The following COL28A1 variants were observed in gnomAD, a reference collection of about 807,000 sequenced individuals.
COL28A1 encodes the protein collagen alpha-1(XXVIII) chain.
Under a neutral mutation model 150.2 loss-of-function variants are expected in COL28A1, and 161 were observed. The ratio of observed to expected loss-of-function variants is 1.07; its 90% confidence interval spans 0.94 to 1.22. The LOEUF (loss-of-function observed/expected upper bound fraction) is 1.22, where lower values mean the gene tolerates loss of function less well. Among genes scored for constraint, COL28A1 ranks in the 50% most tolerant of loss-of-function variants. COL28A1 has a pLI of 0.00. For missense variants in COL28A1, 1,617 were observed against 1,388.3 expected (o/e 1.16, Z -2.62); for synonymous variants, 552 against 469.7 (o/e 1.18, Z -2.26).
At chr7:7,411,357 G>C (rs927549208) in intron 27 of COL28A1, among the ~76,000 whole-genome samples, 3 of 152,122 alleles carry the variant, frequency 2.0e-5, no homozygotes, top group African/African-American at 7.2e-5. Flanking sequence ...TTTTCTGGCT[G>C]TGCCCATTTA....
chr7:7,345,874 T>G, the COL28A1 span, among the ~76,000 whole-genome samples: 1 of 152,084 alleles, frequency 6.6e-6, no homozygotes, highest in African/African-American at 2.4e-5. Flanking sequence ...CTGCTTGAGA[T>G]TCTTAGCTCC....
chr7:7,339,961 T>G, the COL28A1 span, among the ~76,000 whole-genome samples: 1 of 152,100 alleles, frequency 6.6e-6, no homozygotes, highest in African/African-American at 2.4e-5. Flanking sequence ...CCTGCACAAA[T>G]GTTGATTTGA....
At chr7:7,517,948 T>G in intron 6 of COL28A1, 111 bp from the exon 7 acceptor site, 1 of 1,431,956 alleles carries the variant, frequency 7.0e-7, no homozygotes, top group South Asian at 1.2e-5. Context: ...GGAAACATCT[T>G]TAGTCTTTCC....
rs564839197 is a variant in COL28A1 at position 7,516,661 on chromosome 7, A to C, written c.856-821T>G. Among the ~76,000 whole-genome samples, 78 of 152,250 alleles carry C rather than the reference A, an allele frequency of 5.1e-4. 1 individual carries two copies. The highest frequency in any genetic ancestry group is 9.7e-4 in the Non-Finnish European group (66 of 68,040). On this transcript the variant is annotated intron_variant, in intron 7 of 34. Coordinates refer to ENST00000399429, the MANE Select transcript of COL28A1 (RefSeq NM_001037763.3). ...AATTGTCAGATTTATTGAGAGCTGA[A>C]GAAACCTATTTAATAAATAAGCTAT...
Position 7,445,443 on chromosome 7 carries a change from G to A in COL28A1, c.1510-954C>T, listed in dbSNP as rs189335610. On this transcript the variant is annotated intron_variant, in intron 18 of 34. Transcript: ENST00000399429. The stretch of plus-strand genomic sequence containing the variant: ...CCTGCAGACTGATTTTGGACTTCTA[G>A]CCTCTAGAACTGAGAGACAATAAAT... Among the ~76,000 whole-genome samples, 19 of 152,252 alleles carry A rather than the reference G, an allele frequency of 1.2e-4. 1 individual carries two copies. The East Asian group carries it at 3.7e-3, about 29-fold the overall frequency.
rs1381481709 is a variant in COL28A1 at position 7,370,708 on chromosome 7, G to T, written c.3066+17C>A. ...ACACCATTTTAAGCTCACAAAGTAA[G>T]TGAGACAGTTACTTACTGACTCAGA... On this transcript the variant is annotated intron_variant, in intron 33 of 34. Coordinates refer to ENST00000399429, the MANE Select transcript of COL28A1 (RefSeq NM_001037763.3). 1.9e-6 allele frequency: 3 copies of T among 1,595,438 alleles called. No individual in the cohort carries two copies. In the South Asian group the frequency reaches 3.4e-5, roughly 18 times the overall value.
chr7:7,436,439 G>A lies in COL28A1; in HGVS notation c.1816C>T (p.Pro606Ser). 2 of 1,413,244 alleles carry A rather than the reference G, an allele frequency of 1.4e-6. No homozygotes were observed. The highest frequency in any genetic ancestry group is 2.3e-5 in the South Asian group (2 of 87,016). The allele number at this position is 1,413,244 out of a possible 1,614,324, so 87.5% of individuals were successfully genotyped here. A position where few individuals can be genotyped will look rare whatever the true frequency, so the allele number is the denominator to read the frequency against. Residue 606 changes from proline to serine, a missense_variant, in exon 23 of 35, where the codon CCT becomes TCT. Coordinates refer to ENST00000399429, the MANE Select transcript of COL28A1 (RefSeq NM_001037763.3). ...PKGDRGGPGI[P>S]GFKGEPGLSI... ...AGTCCAGGTTCTCCCTTAAATCCAG[G>A]TATCCCAGGTCCTCCTCTATCTCCC...
At chr7:7,343,482 C>A in the COL28A1 span, among the ~76,000 whole-genome samples, 1 of 151,926 alleles carries the variant, frequency 6.6e-6, no homozygotes, top group Admixed American at 6.6e-5. Flanking sequence ...TGCACATAAT[C>A]GGCTGTTAAT....
At chr7:7,397,400 T>C (rs938244115) in intron 27 of COL28A1, among the ~76,000 whole-genome samples, 5 of 152,200 alleles carry the variant, frequency 3.3e-5, no homozygotes, top group Admixed American at 6.5e-5. Flanking sequence ...CAGGATTCCT[T>C]CTGCCATTTA....
chr7:7,523,460 T>C (rs972429076), intron 4 of COL28A1, among the ~76,000 whole-genome samples: 1 of 150,718 alleles, frequency 6.6e-6, no homozygotes, highest in Non-Finnish European at 1.5e-5. Flanking sequence ...GCCTGGCCGT[T>C]TTTTTTTTCC....
intron 15 of COL28A1, among the ~76,000 whole-genome samples, chr7:7,471,611 C>G (rs1788438152): frequency 6.6e-6 from 1 of 152,116 alleles, no homozygotes. Context: ...CAGAATAAAA[C>G]AGGCTGGGCA....
rs1193653577 is a variant in COL28A1, at chr7:7,531,746, C to A, written c.283G>T (p.Ala95Ser). 1.2e-6 allele frequency: 2 copies of A among 1,609,952 alleles called. No homozygotes were observed. The highest frequency in any genetic ancestry group is 2.2e-5 in the South Asian group (2 of 90,996). ...RSLEYDIKLA[A>S]LQFSSSVQID... is the part of the protein sequence containing the mutation. ...TGGACAGAGCTGCTAAACTGAAGGG[C>A]TGCCAGTTTGATGTCATATTCCAAG... is the stretch of plus-strand genomic sequence containing the variant. The change falls in exon 3 of 35, where the codon GCC becomes TCC. Residue 95 changes from alanine (A) to serine (S), a missense_variant. By Grantham distance (99) the Ala-to-Ser change is moderately conservative (BLOSUM62 1). Transcript: ENST00000399429.
rs528087248 is a variant in COL28A1, at chr7:7,398,215, A to G, written c.2137-16603T>C. Among the ~76,000 whole-genome samples, 12 of 152,358 alleles carry G rather than the reference A, an allele frequency of 7.9e-5. 1 individual carries two copies. In the South Asian group the frequency reaches 1.0e-3, roughly 13 times the overall value. The stretch of plus-strand genomic sequence containing the variant: ...ATTCTTCAGAGGCCATTCTTCTGAT[A>G]GTCATCAAACAGAATCTAACAAATA... On this transcript the variant is annotated intron_variant, in intron 27 of 34. Coordinates refer to ENST00000399429, the MANE Select transcript of COL28A1 (RefSeq NM_001037763.3).
At chr7:7,474,998 G>T (rs998597586) in intron 14 of COL28A1, among the ~76,000 whole-genome samples, 1 of 152,100 alleles carries the variant, frequency 6.6e-6, no homozygotes, top group South Asian at 2.1e-4. Flanking sequence ...ATAACTAACT[G>T]GATCAAGTCT....
At chr7:7,411,164 C>T (rs1409489628) in intron 27 of COL28A1, among the ~76,000 whole-genome samples, 4 of 152,110 alleles carry the variant, frequency 2.6e-5, no homozygotes, top group Non-Finnish European at 5.9e-5. Context: ...AGCAAAGACA[C>T]CTGATTCTAT....
chr7:7,508,055 AC>A (rs1230190104), intron 9 of COL28A1, among the ~76,000 whole-genome samples: 1 of 152,112 alleles, frequency 6.6e-6, no homozygotes, highest in African/African-American at 2.4e-5. Flanking sequence ...ACACAGTGAA[AC>A]CCTGTCTCTA....
chr7:7,424,560 A>C (rs1395717509), intron 25 of COL28A1, among the ~76,000 whole-genome samples: 1 of 152,182 alleles, frequency 6.6e-6, no homozygotes, highest in Non-Finnish European at 1.5e-5. Context: ...CTTCCCACGC[A>C]ACAGCTGAGG....
At position 7,373,824 on chromosome 7, in the gene COL28A1, C is replaced by T. The variant is rs539258264; in HGVS notation, c.2360-278G>A. On this transcript the variant is annotated intron_variant, in intron 31 of 34. Coordinates refer to ENST00000399429, the MANE Select transcript of COL28A1 (RefSeq NM_001037763.3). This position sits in a 1 kb window ranked among gnomAD's most constrained non-coding sequence, Gnocchi z 4.1. Reference sequence around the variant, plus strand: ...ACGCCATTCTCCAGCCTCAGCCTCCCGAGTAGCTGGGACTACAGGCGCCCG... The same window carrying T: ...ACGCCATTCTCCAGCCTCAGCCTCCTGAGTAGCTGGGACTACAGGCGCCCG... 5.8e-4 allele frequency among the ~76,000 whole-genome samples: 88 copies of T among 151,434 alleles called. No individual in the cohort carries two copies. The highest frequency in any genetic ancestry group is 2.0e-3 in the African/African-American group (82 of 41,268).
At chr7:7,419,013 C>A (rs1466608339) in intron 26 of COL28A1, among the ~76,000 whole-genome samples, 1 of 152,180 alleles carries the variant, frequency 6.6e-6, no homozygotes, top group Non-Finnish European at 1.5e-5. Context: ...GGCTCTAATT[C>A]ACTTCTGTGC....
Sources: allele counts gnomAD v4.1 joint callset (sites outside exome capture counted in the v4.1 genomes callset), GRCh38; gene constraint gnomAD v4.1.1; non-coding constraint Gnocchi (gnomAD v3.1); transcripts MANE v1.5; gene names NCBI Gene and HGNC (gene_info 2026-07-23, HGNC 2026-07-21).